Variants in PAPPA observed in about 807,000 individuals in gnomAD.
The protein encoded by PAPPA is pappalysin-1.
Under a neutral mutation model 164.0 loss-of-function variants are expected in PAPPA, and 60 were observed. The ratio of observed to expected loss-of-function variants is 0.37; its 90% CI spans 0.30 to 0.45. The LOEUF is 0.45. PAPPA is among the 20% of genes least tolerant of loss of function. PAPPA has a pLI of 1.00. For missense variants in PAPPA, 1,782 were observed against 2,087.3 expected, an observed-to-expected ratio of 0.85 and a Z score of 2.85; for synonymous variants, 875 against 814.1, an observed-to-expected ratio of 1.07 and a Z score of -1.27.
At chr9:116,310,926 G>A (rs1462505086) in intron 10 of PAPPA, among the ~76,000 whole-genome samples, 4 of 152,172 alleles carry the variant, frequency 2.6e-5, no homozygotes, top group Non-Finnish European at 5.9e-5. Context: ...ATTTGTCAAG[G>A]ATGAGACAGT....
chr9:116,264,797 T>C (rs10817866), intron 7 of PAPPA, among the ~76,000 whole-genome samples: 84,685 of 151,992 alleles, frequency 0.56, 23,938 homozygotes, highest in East Asian at 0.68. Context: ...AGATGAAAGA[T>C]AGGAATAACA....
intron 10 of PAPPA, among the ~76,000 whole-genome samples, chr9:116,317,032 G>T (rs1026244223): frequency 6.6e-6 from 1 of 152,084 alleles, no homozygotes; most frequent in Non-Finnish European, 1.5e-5. Flanking sequence ...AATGTGACTT[G>T]TACTTCAATT....
chr9:116,196,552 AGCT>A (rs1257988169), intron 2 of PAPPA, among the ~76,000 whole-genome samples: 1 of 152,220 alleles, frequency 6.6e-6, no homozygotes, highest in East Asian at 1.9e-4. Context: ...GTTACAGCTC[AGCT>A]TGTTGCTTCA....
chr9:116,196,783 GT>G (rs1446840696), intron 2 of PAPPA, among the ~76,000 whole-genome samples: 1 of 152,002 alleles, frequency 6.6e-6, no homozygotes, highest in Non-Finnish European at 1.5e-5. Context: ...CATGTTCTAG[GT>G]TGTTTTAGTG....
At chr9:116,363,469 T>C (rs1846456625) in intron 18 of PAPPA, among the ~76,000 whole-genome samples, 1 of 152,142 alleles carries the variant, frequency 6.6e-6, no homozygotes. Flanking sequence ...CAAGCTGGGA[T>C]TGTATGCCAG....
At position 116,335,007 on chromosome 9, in the gene PAPPA, G is replaced by C; in HGVS notation, c.3544G>C (p.Asp1182His). ...AISGVALRSF[D>H]NFDPVTLSSC... ...CTCGGGGGTGGCCCTCCGTTCCTTC[G>C]ACAACTTTGACCCCGTCACCCTGAG... The change falls in exon 13 of 22, where the codon GAC becomes CAC. Residue 1182 changes from aspartate to histidine, a missense_variant. By Grantham distance (81) the Asp-to-His change is moderately conservative. Transcript: ENST00000328252. 3 of 1,612,568 alleles carry C rather than the reference G, an allele frequency of 1.9e-6. No individual in the cohort carries two copies. The highest frequency in any genetic ancestry group is 2.5e-6 in the Non-Finnish European group (3 of 1,179,678).
intron 1 of PAPPA, among the ~76,000 whole-genome samples, chr9:116,158,536 C>T (rs1028121572): frequency 2.6e-5 from 4 of 152,192 alleles, no homozygotes; most frequent in African/African-American, 9.7e-5. Context: ...GTGATGATGG[C>T]ACAAGTACCT....
intron 12 of PAPPA, 67 bp from the exon 13 acceptor site, chr9:116,334,794 T>C (rs900944121): frequency 3.5e-5 from 43 of 1,222,536 alleles, no homozygotes; most frequent in Middle Eastern, 1.9e-4. Context: ...GAAGGGCCCG[T>C]TGGGGAGGGC....
At chr9:116,310,273 G>A (rs1389517395) in intron 10 of PAPPA, among the ~76,000 whole-genome samples, 1 of 152,186 alleles carries the variant, frequency 6.6e-6, no homozygotes, top group Non-Finnish European at 1.5e-5. Context: ...TTTGCCAATG[G>A]TGGTGGAAGG....
intron 20 of PAPPA, among the ~76,000 whole-genome samples, chr9:116,379,636 A>C (rs1481039196): frequency 1.3e-5 from 2 of 152,212 alleles, no homozygotes; most frequent in Non-Finnish European, 2.9e-5. Flanking sequence ...TTTTGCACAA[A>C]TACGAGACAT....
In PAPPA at chr9:116,344,446, A is replaced by C; in HGVS notation, c.3612-97A>C. ...TCTGTCCTCAGTCTCAAGCCCCCTG[A>C]AATCTTGGAGAAAGAGGCTCTTAGC... On this transcript the variant is annotated intron_variant, in intron 13 of 21. Coordinates refer to ENST00000328252, the MANE Select transcript of PAPPA (RefSeq NM_002581.5). 2.4e-6 allele frequency: 3 copies of C among 1,268,258 alleles called. 1 individual carries two copies. In the Middle Eastern group the frequency reaches 5.9e-4, roughly 248 times the overall value. The allele number at this position is 1,268,258 out of a possible 1,614,324, so 78.6% of individuals were successfully genotyped here.
chr9:116,156,016 A>G (rs949513442), intron 1 of PAPPA, among the ~76,000 whole-genome samples: 2 of 152,000 alleles, frequency 1.3e-5, no homozygotes, highest in African/African-American at 4.8e-5. Flanking sequence ...GTTATCCATA[A>G]TAATAATGAC....
intron 2 of PAPPA, among the ~76,000 whole-genome samples, chr9:116,199,778 T>C (rs1023983404): frequency 2.0e-5 from 3 of 152,112 alleles, no homozygotes; most frequent in Non-Finnish European, 4.4e-5. Flanking sequence ...ACAAGAAGCC[T>C]GGCACCAGTG....
chr9:116,296,598 C>A (rs1414476639), intron 9 of PAPPA, among the ~76,000 whole-genome samples: 1 of 152,082 alleles, frequency 6.6e-6, no homozygotes, highest in African/African-American at 2.4e-5. Flanking sequence ...TGACACTCAG[C>A]TAGGGTGGGG....
At chr9:116,158,140 T>C (rs986885101) in intron 1 of PAPPA, among the ~76,000 whole-genome samples, 10 of 152,152 alleles carry the variant, frequency 6.6e-5, no homozygotes, top group African/African-American at 1.4e-4. Context: ...GCACCTCTGC[T>C]TGCCAGCCTT....
intron 7 of PAPPA, among the ~76,000 whole-genome samples, chr9:116,246,973 A>G (rs889028886): frequency 6.6e-6 from 1 of 152,080 alleles, no homozygotes; most frequent in African/African-American, 2.4e-5. Context: ...GTGGTGAGCC[A>G]TGATTGTACC....
intron 1 of PAPPA, among the ~76,000 whole-genome samples, chr9:116,184,232 G>T (rs1246833168): frequency 1.3e-5 from 2 of 152,142 alleles, no homozygotes; most frequent in Non-Finnish European, 1.5e-5. Flanking sequence ...GATAGATCTG[G>T]CGCAACTCAC....
intron 7 of PAPPA, among the ~76,000 whole-genome samples, chr9:116,257,036 A>G (rs1003896391): frequency 6.6e-6 from 1 of 152,020 alleles, no homozygotes; most frequent in Non-Finnish European, 1.5e-5. Flanking sequence ...ACATTAACAA[A>G]CAAAACACAA....
Position 116,154,711 on chromosome 9 carries a change from C to A in PAPPA, c.415+124C>A. 8.8e-7 allele frequency: 1 copy of A among 1,140,584 alleles called. No individual in the cohort carries two copies. The highest frequency in any genetic ancestry group is 1.1e-6 in the Non-Finnish European group (1 of 912,334). 70.7% of individuals were successfully genotyped at this position (1,140,584 alleles called of 1,614,324 possible). On this transcript the variant is annotated intron_variant, in intron 1 of 21. Coordinates refer to ENST00000328252, the MANE Select transcript of PAPPA (RefSeq NM_002581.5). This position sits in a 1 kb window ranked among gnomAD's most constrained non-coding sequence, Gnocchi z 5.2. The stretch of plus-strand genomic sequence containing the variant: ...GCGTGTCTGTGCGAGAGCTGCCCCG[C>A]GAGCGGCGCAGAGACATCCGGGCGA...
Sources: allele counts gnomAD v4.1 joint callset (sites outside exome capture counted in the v4.1 genomes callset), GRCh38; gene constraint gnomAD v4.1.1; non-coding constraint Gnocchi (gnomAD v3.1); transcripts MANE v1.5; gene names NCBI Gene and HGNC (gene_info 2026-07-23, HGNC 2026-07-21).